The following U2SURP variants were observed in gnomAD, a reference collection of about 807,000 sequenced individuals.
U2SURP encodes the protein U2 snRNP-associated SURP motif-containing protein.
A neutral mutation model predicts 144.9 loss-of-function variants in U2SURP; 9 were observed. That is an observed-to-expected ratio of 0.06 (90% CI 0.04 to 0.11). U2SURP has a LOEUF of 0.11. Among genes scored for constraint, U2SURP ranks in the 10% least tolerant of loss-of-function variants. The pLI, the probability that U2SURP is intolerant of heterozygous loss-of-function variation, is 1.00. For missense variants in U2SURP, 724 were observed against 1,226.7 expected, an observed-to-expected ratio of 0.59 and a Z score of 6.12; for synonymous variants, 408 against 396.8, an observed-to-expected ratio of 1.03 and a Z score of -0.33.
intron 21 of U2SURP, among the ~76,000 whole-genome samples, chr3:143,037,819 A>G (rs1560196095): frequency 6.6e-6 from 1 of 152,138 alleles, no homozygotes; most frequent in Non-Finnish European, 1.5e-5. Flanking sequence ...GCAGTTTTAT[A>G]TTTCAGAGAT....
chr3:143,010,748 C>T (rs1262497527), intron 1 of U2SURP, 67 bp from the exon 2 acceptor site: 10 of 1,273,576 alleles, frequency 7.9e-6, no homozygotes, highest in Non-Finnish European at 9.9e-6. Context: ...GTTTGTATAA[C>T]ACGAGAGACA....
At chr3:143,052,805 G>A (rs947029856) in intron 25 of U2SURP, among the ~76,000 whole-genome samples, 4 of 152,318 alleles carry the variant, frequency 2.6e-5, no homozygotes, top group African/African-American at 7.2e-5. Context: ...CATATGAATC[G>A]TAGAGAAATT....
intron 24 of U2SURP, among the ~76,000 whole-genome samples, chr3:143,047,891 A>ACC (rs1560204629): frequency 7.0e-6 from 1 of 143,120 alleles, no homozygotes; most frequent in Non-Finnish European, 1.5e-5. Flanking sequence ...GACCCCCCCC[A>ACC]ACCTCCCTCC....
At chr3:143,021,209 C>A in intron 8 of U2SURP, 141 bp from the exon 9 acceptor site, 2 of 964,480 alleles carry the variant, frequency 2.1e-6, no homozygotes, top group Non-Finnish European at 3.1e-6. Context: ...ACAACAACAA[C>A]AACAGAGTTG....
At chr3:143,001,992 C>T (rs17557029) in intron 1 of U2SURP, among the ~76,000 whole-genome samples, 103,049 of 152,186 alleles carry the variant, frequency 0.68, 35,116 homozygotes, top group African/African-American at 0.76. Flanking sequence ...ATCTCAGCTT[C>T]CTGCGCCCTG....
intron 18 of U2SURP, among the ~76,000 whole-genome samples, chr3:143,034,229 C>A (rs1465339670): frequency 6.6e-6 from 1 of 152,080 alleles, no homozygotes. Context: ...CGTGGTGAAA[C>A]CCCATCTCTA....
At chr3:143,015,686 C>T (rs1299396109) in intron 4 of U2SURP, among the ~76,000 whole-genome samples, 1 of 152,018 alleles carries the variant, frequency 6.6e-6, no homozygotes, top group Non-Finnish European at 1.5e-5. Context: ...ACATGCTATT[C>T]AATTTTATTC....
intron 18 of U2SURP, among the ~76,000 whole-genome samples, chr3:143,034,061 T>G (rs1933664323): frequency 6.6e-6 from 1 of 152,194 alleles, no homozygotes; most frequent in African/African-American, 2.4e-5. Context: ...TTTAGTTCAT[T>G]GTAAATGTTT....
intron 13 of U2SURP, chr3:143,026,194 A>AT (rs1260198192): frequency 6.6e-6 from 1 of 152,156 alleles, no homozygotes; most frequent in African/African-American, 2.4e-5. Flanking sequence ...TTGGAGTCTA[A>AT]TAAAATATCA....
chr3:143,007,409 C>T (rs1302957180), intron 1 of U2SURP, among the ~76,000 whole-genome samples: 1 of 151,386 alleles, frequency 6.6e-6, no homozygotes, highest in African/African-American at 2.4e-5. Context: ...AGGCATGAGC[C>T]ACTCCCTCCA....
intron 26 of U2SURP, among the ~76,000 whole-genome samples, chr3:143,054,432 C>CT (rs35267978): frequency 0.012 from 1,820 of 152,314 alleles, 12 homozygotes; most frequent in Non-Finnish European, 0.021. Context: ...GGTTAAAAGT[C>CT]TGTCACTTTT....
intron 16 of U2SURP, among the ~76,000 whole-genome samples, chr3:143,030,828 A>G (rs757611224): frequency 6.6e-6 from 1 of 152,116 alleles, no homozygotes; most frequent in Non-Finnish European, 1.5e-5. Flanking sequence ...GGAGGATAGC[A>G]TGAGGCCAAG....
intron 5 of U2SURP, 105 bp downstream of exon 5, chr3:143,016,476 G>C: frequency 1.3e-3 from 1,172 of 927,988 alleles, no homozygotes; most frequent in Non-Finnish European, 1.7e-3. Flanking sequence ...ATGAAAGGAA[G>C]TTTGGTTGCT....
intron 24 of U2SURP, 38 bp downstream of exon 24, chr3:143,043,314 G>C (rs761372463): frequency 1.3e-6 from 2 of 1,550,584 alleles, no homozygotes. Context: ...CACTTTATTG[G>C]CTTTTCACTT....
chr3:143,024,463 G>GT, intron 13 of U2SURP: 1 of 432,120 alleles, frequency 2.3e-6, no homozygotes, highest in Non-Finnish European at 4.6e-6. Flanking sequence ...TTTGTTTTTT[G>GT]TTTTTTCAAT....
rs994739514 is a variant in U2SURP, at chr3:143,020,768, A to G, written c.733+75A>G. On this transcript the variant is annotated intron_variant, in intron 8 of 27. Transcript: ENST00000473835. Reference sequence around the variant, plus strand: ...TCCCACCTTATCCGTGGCGGGTTACATTCCAAGGATCACCAGTGGATGTCT... The same window carrying G: ...TCCCACCTTATCCGTGGCGGGTTACGTTCCAAGGATCACCAGTGGATGTCT... 72 of 1,131,062 alleles carry G rather than the reference A, an allele frequency of 6.4e-5. No homozygotes were observed. In the African/African-American group the frequency reaches 1.0e-3, roughly 16 times the overall value. The allele number at this position is 1,131,062 out of a possible 1,614,324, so 70.1% of individuals were successfully genotyped here. A position where few individuals can be genotyped will look rare whatever the true frequency, so the allele number is the denominator to read the frequency against.
chr3:143,049,800 T>C (rs530055391), intron 24 of U2SURP, among the ~76,000 whole-genome samples: 1 of 152,224 alleles, frequency 6.6e-6, no homozygotes, highest in South Asian at 2.1e-4. Context: ...AATTTTAAGA[T>C]ACTTATATCT....
intron 16 of U2SURP, 97 bp from the exon 17 acceptor site, chr3:143,032,686 TG>T: frequency 9.5e-7 from 1 of 1,056,414 alleles, no homozygotes; most frequent in Non-Finnish European, 1.4e-6. Context: ...AATTATTTTA[TG>T]TGAGTAGGTT....
At chr3:143,014,484 A>G (rs776053180) in intron 4 of U2SURP, 75 bp downstream of exon 4, 4 of 986,754 alleles carry the variant, frequency 4.1e-6, no homozygotes, top group African/African-American at 1.7e-5. Context: ...TATTAGAGGA[A>G]TGTTTCCCGA....
Sources: allele counts gnomAD v4.1 joint callset (sites outside exome capture counted in the v4.1 genomes callset), GRCh38; gene constraint gnomAD v4.1.1; transcripts MANE v1.5; gene names NCBI Gene and HGNC (gene_info 2026-07-23, HGNC 2026-07-21).